The following NAALADL2 variants were observed in gnomAD, a reference collection of about 807,000 sequenced individuals.
NAALADL2 encodes the protein N-acetylated alpha-linked acidic dipeptidase like 2.
Under a neutral mutation model 87.2 loss-of-function variants are expected in NAALADL2, and 76 were observed. The ratio of observed to expected loss-of-function variants is 0.87; its 90% CI spans 0.72 to 1.05. The LOEUF is 1.05. NAALADL2 is among the 50% of genes least tolerant of loss of function. NAALADL2 has a pLI of 0.00. For synonymous variants in NAALADL2, 354 were observed against 331.0 expected (o/e 1.07, Z -0.75); for missense variants, 1,089 against 945.8 (o/e 1.15, Z -1.99).
At chr3:175,084,296 C>A (rs1718443564) in intron 1 of NAALADL2, among the ~76,000 whole-genome samples, 1 of 152,004 alleles carries the variant, frequency 6.6e-6, no homozygotes, top group East Asian at 1.9e-4. Context: ...TTTTTTTGCT[C>A]CACATGGCAT....
At chr3:175,468,934 A>C (rs1724487370) in intron 8 of NAALADL2, among the ~76,000 whole-genome samples, 1 of 152,080 alleles carries the variant, frequency 6.6e-6, no homozygotes, top group African/African-American at 2.4e-5. Context: ...GTACCTTTTG[A>C]TAATTGTATA....
At chr3:174,574,537 T>G (rs1009629643) in intron 2 of NAALADL2, among the ~76,000 whole-genome samples, 6 of 152,156 alleles carry the variant, frequency 3.9e-5, no homozygotes, top group Admixed American at 6.5e-5. Context: ...AATGATGCTC[T>G]GTTAAGCAAT....
intron 4 of NAALADL2, among the ~76,000 whole-genome samples, chr3:175,289,483 A>C (rs1323961311): frequency 6.6e-6 from 1 of 152,134 alleles, no homozygotes; most frequent in Non-Finnish European, 1.5e-5. Context: ...AAATTAACAA[A>C]ACAGATCTTA....
At chr3:175,410,670 G>A (rs1031969097) in intron 5 of NAALADL2, among the ~76,000 whole-genome samples, 1 of 152,090 alleles carries the variant, frequency 6.6e-6, no homozygotes, top group Non-Finnish European at 1.5e-5. Context: ...GATACAGTAA[G>A]CACATATAGC....
rs571438795 is a variant in NAALADL2 at position 175,660,822 on chromosome 3, T to C, written c.1896+33436T>C. ...TGACCTCCAGATCCATCCGTGTTGC[T>C]GCAAATGACAGGATTTCATTCTTTT... On this transcript the variant is annotated intron_variant, in intron 11 of 13. Coordinates refer to ENST00000454872, the MANE Select transcript of NAALADL2 (RefSeq NM_207015.3). Among the ~76,000 whole-genome samples, 3 of 152,276 alleles carry C rather than the reference T, an allele frequency of 2.0e-5. No individual in the cohort carries two copies. In the South Asian group the frequency reaches 6.2e-4, roughly 32 times the overall value.
At chr3:175,216,668 CTTTTTTTT>C (rs3067029) in intron 2 of NAALADL2, among the ~76,000 whole-genome samples, 5 of 87,344 alleles carry the variant, frequency 5.7e-5, no homozygotes, top group Admixed American at 1.3e-4. Context: ...TTTTTCTTTT[CTTTTTTTT>C]TTTTTTTTTT....
chr3:175,374,129 C>T (rs1288565688), intron 5 of NAALADL2, among the ~76,000 whole-genome samples: 2 of 151,904 alleles, frequency 1.3e-5, no homozygotes, highest in East Asian at 1.9e-4. Context: ...TTTTTAAAAA[C>T]CAGTTTAGAG....
chr3:175,330,694 T>C (rs1761293029), intron 5 of NAALADL2, among the ~76,000 whole-genome samples: 1 of 151,536 alleles, frequency 6.6e-6, no homozygotes, highest in Non-Finnish European at 1.5e-5. Flanking sequence ...AACACCTATA[T>C]CAAAAAAATA....
At chr3:174,618,706 G>T (rs1372289836) in intron 2 of NAALADL2, among the ~76,000 whole-genome samples, 2 of 151,812 alleles carry the variant, frequency 1.3e-5, no homozygotes, top group Admixed American at 6.6e-5. Context: ...CCAAATATAA[G>T]TTCAAAAGCA....
chr3:174,862,962 T>C (rs6767809), intron 1 of NAALADL2, among the ~76,000 whole-genome samples: 47,445 of 151,962 alleles, frequency 0.31, 7,529 homozygotes, highest in East Asian at 0.42. Flanking sequence ...GTTGGCTGGA[T>C]CCTGAGGAAT....
At chr3:174,905,982 A>C (rs971680732) in intron 1 of NAALADL2, among the ~76,000 whole-genome samples, 1 of 151,940 alleles carries the variant, frequency 6.6e-6, no homozygotes, top group Non-Finnish European at 1.5e-5. Flanking sequence ...ACACTGATAC[A>C]TTAATTCTTC....
At chr3:175,611,924 T>C (rs977926885) in intron 10 of NAALADL2, among the ~76,000 whole-genome samples, 1 of 152,172 alleles carries the variant, frequency 6.6e-6, no homozygotes, top group African/African-American at 2.4e-5. Flanking sequence ...GCAGAATTAA[T>C]TTAGTGCCTT....
At chr3:174,671,081 G>A (rs1229346977) in intron 2 of NAALADL2, among the ~76,000 whole-genome samples, 1 of 152,048 alleles carries the variant, frequency 6.6e-6, no homozygotes, top group Non-Finnish European at 1.5e-5. Context: ...CTCCCCAGAA[G>A]CTGAGCAGAT....
chr3:175,779,430 T>G (rs1477166284), intron 13 of NAALADL2, among the ~76,000 whole-genome samples: 2 of 152,226 alleles, frequency 1.3e-5, no homozygotes, highest in African/African-American at 2.4e-5. Context: ...TTATTGATAT[T>G]ACTTTTTAGA....
At chr3:175,397,534 G>A (rs1769963362) in intron 5 of NAALADL2, among the ~76,000 whole-genome samples, 1 of 152,154 alleles carries the variant, frequency 6.6e-6, no homozygotes, top group Non-Finnish European at 1.5e-5. Flanking sequence ...GGGACAGGAA[G>A]GCTGAGCAGC....
chr3:174,808,015 T>G (rs1719709785), intron 3 of NAALADL2, among the ~76,000 whole-genome samples: 1 of 152,056 alleles, frequency 6.6e-6, no homozygotes, highest in Admixed American at 6.6e-5. Context: ...ACTTGGCTTT[T>G]GAATTTGTAT....
intron 1 of NAALADL2, among the ~76,000 whole-genome samples, chr3:174,875,049 G>T (rs1318924756): frequency 1.4e-5 from 2 of 144,366 alleles, no homozygotes; most frequent in African/African-American, 5.2e-5. Context: ...GGAGGTCAAG[G>T]CTGAAGTGAG....
intron 13 of NAALADL2, among the ~76,000 whole-genome samples, chr3:175,790,537 T>C (rs1752658979): frequency 6.6e-6 from 1 of 152,198 alleles, no homozygotes; most frequent in Non-Finnish European, 1.5e-5. Flanking sequence ...CTTTGAGTAT[T>C]GTTCTGGGGA....
intron 5 of NAALADL2, among the ~76,000 whole-genome samples, chr3:175,361,885 G>C (rs1473180475): frequency 6.8e-6 from 1 of 147,958 alleles, no homozygotes; most frequent in East Asian, 2.0e-4. Context: ...GATCCCATTT[G>C]TCAATTTTGG....
Sources: gnomAD v4.1 joint callset for allele counts (sites outside exome capture counted in the v4.1 genomes callset) on GRCh38, gnomAD v4.1.1 for gene constraint, MANE v1.5 for transcripts, NCBI Gene and HGNC (gene_info 2026-07-23, HGNC 2026-07-21) for gene names.